Variants in SAP30BP observed in about 807,000 individuals in gnomAD.
SAP30BP encodes the protein SAP30 binding protein.
Under a neutral mutation model 46.3 loss-of-function variants are expected in SAP30BP, and 31 were observed. The ratio of observed to expected loss-of-function variants is 0.67; its 90% CI spans 0.50 to 0.90. The LOEUF (loss-of-function observed/expected upper bound fraction) is 0.90, where lower values mean the gene tolerates loss of function less well. Ranked by LOEUF, SAP30BP falls within the 40% of genes least tolerant of loss-of-function variation. The pLI is 0.00. For missense variants in SAP30BP, 312 were observed against 391.0 expected, an observed-to-expected ratio of 0.80 and a Z score of 1.70; for synonymous variants, 169 against 144.2, an observed-to-expected ratio of 1.17 and a Z score of -1.23.
intron 4 of SAP30BP, among the ~76,000 whole-genome samples, chr17:75,695,965 C>T (rs1442878561): frequency 1.3e-5 from 2 of 152,132 alleles, no homozygotes; most frequent in African/African-American, 2.4e-5. Context: ...TCCCCTGGGG[C>T]CCCCCAGCTC....
At position 75,706,416 on chromosome 17, in the gene SAP30BP, C is replaced by T. The variant is rs2060498734; in HGVS notation, c.822C>T (p.Thr274=). 1 of 1,614,170 alleles carries T rather than the reference C, an allele frequency of 6.2e-7. No individual in the cohort carries two copies. The highest frequency in any genetic ancestry group is 2.2e-5 in the East Asian group (1 of 44,880). Residue 274 remains threonine (T), a synonymous_variant, in exon 11 of 11, where the codon ACC becomes ACT. Coordinates refer to ENST00000584667, the MANE Select transcript of SAP30BP (RefSeq NM_013260.8). This position sits in a 1 kb window ranked among gnomAD's most constrained non-coding sequence, Gnocchi z 4.6. ...TTIAQPTILT[T]TATLPAVVTV... ...TAGCCCAGCCCACCATCCTCACCAC[C>T]ACAGCCACCCTGCCAGCTGTTGTCA...
In SAP30BP at chr17:75,706,179, C is replaced by A; in HGVS notation, c.745+87C>A. 1 of 1,560,792 alleles carries A rather than the reference C, an allele frequency of 6.4e-7. No individual in the cohort carries two copies. Among genetic ancestry groups the A allele is most frequent in the Non-Finnish European group, 8.7e-7 (1 of 1,155,944 alleles). On this transcript the variant is annotated intron_variant, in intron 10 of 10. Transcript: ENST00000584667. The surrounding 1 kb of genome is among the most constrained non-coding windows in gnomAD (Gnocchi z 4.6). ...TTTGGGCGACAGACAGCACGTGGAT[C>A]TGGGCCTGGGCTCAGCCTTGCTACT... is the stretch of plus-strand genomic sequence containing the variant.
Position 75,693,498 on chromosome 17 carries a change from T to C in SAP30BP, c.307+16T>C. On this transcript the variant is annotated intron_variant, in intron 4 of 10. Coordinates refer to ENST00000584667, the MANE Select transcript of SAP30BP (RefSeq NM_013260.8). ...GAACTCGTGGGTGAGTATTGGGGGATCCTGGGGGCACGTTTCTCAGCCTTG... is the reference window on the plus strand; with the variant it reads ...GAACTCGTGGGTGAGTATTGGGGGACCCTGGGGGCACGTTTCTCAGCCTTG... 1 of 1,612,574 alleles carries C rather than the reference T, an allele frequency of 6.2e-7. No homozygotes were observed. Among genetic ancestry groups the C allele is most frequent in the Non-Finnish European group, 8.5e-7 (1 of 1,179,056 alleles).
At chr17:75,669,537 C>T (rs911055103) in intron 2 of SAP30BP, among the ~76,000 whole-genome samples, 8 of 152,124 alleles carry the variant, frequency 5.3e-5, no homozygotes, top group Admixed American at 5.2e-4. Context: ...GCCACTGCTC[C>T]TGGCCGATTT....
chr17:75,687,917 G>GGGGT (rs557349211), intron 3 of SAP30BP, among the ~76,000 whole-genome samples: 202 of 120,352 alleles, frequency 1.7e-3, no homozygotes, highest in South Asian at 4.0e-3. Flanking sequence ...CAGTGTTTGG[G>GGGGT]GTGTGTGTGT....
chr17:75,697,417 G>A (rs923948428), intron 4 of SAP30BP, among the ~76,000 whole-genome samples: 5 of 152,172 alleles, frequency 3.3e-5, no homozygotes, highest in Non-Finnish European at 7.3e-5. Flanking sequence ...GAAGTTAGAG[G>A]AGACTTGAAT....
At position 75,671,809 on chromosome 17, in the gene SAP30BP, C is replaced by T. The variant is rs1379198913; in HGVS notation, c.217-7C>T. 6 of 1,611,406 alleles carry T rather than the reference C, an allele frequency of 3.7e-6. No individual in the cohort carries two copies. The highest frequency in any genetic ancestry group is 1.3e-5 in the African/African-American group (1 of 74,788). On this transcript the variant is annotated splice_polypyrimidine_tract_variant and splice_region_variant and intron_variant, in intron 2 of 10. Coordinates refer to ENST00000584667, the MANE Select transcript of SAP30BP (RefSeq NM_013260.8). ...AAGCTTAATCCTCTAAATTCTTTGT[C>T]TTGTAGGAAGATGACGATTCAGAGA... is the stretch of plus-strand genomic sequence containing the variant.
chr17:75,687,729 G>T (rs1320762080), intron 3 of SAP30BP, among the ~76,000 whole-genome samples: 1 of 152,120 alleles, frequency 6.6e-6, no homozygotes, highest in Non-Finnish European at 1.5e-5. Context: ...CCCCTTGGCA[G>T]ACTTTTATTG....
At chr17:75,704,666 C>G in intron 8 of SAP30BP, 90 bp from the exon 9 acceptor site, 1 of 988,144 alleles carries the variant, frequency 1.0e-6, no homozygotes, top group Non-Finnish European at 1.6e-6. Context: ...GCCTTTAGCC[C>G]GCTGAAAAGA....
At chr17:75,704,666 C>T (rs1052930524) in intron 8 of SAP30BP, 90 bp from the exon 9 acceptor site, 51 of 988,022 alleles carry the variant, frequency 5.2e-5, no homozygotes, top group South Asian at 1.0e-4. Flanking sequence ...GCCTTTAGCC[C>T]GCTGAAAAGA....
intron 4 of SAP30BP, 77 bp downstream of exon 4, chr17:75,693,559 G>A (rs1333102172): frequency 2.9e-6 from 4 of 1,377,194 alleles, no homozygotes; most frequent in Non-Finnish European, 4.1e-6. Context: ...TGCCAGGCCT[G>A]CCGCCCCACA....
intron 8 of SAP30BP, among the ~76,000 whole-genome samples, chr17:75,704,429 A>G (rs1171426795): frequency 1.3e-5 from 2 of 152,204 alleles, no homozygotes; most frequent in East Asian, 3.9e-4. Flanking sequence ...TTCATTGCCA[A>G]CATTTTATAT....
At chr17:75,668,103 A>G (rs1319124378) in intron 1 of SAP30BP, 1 of 165,414 alleles carries the variant, frequency 6.0e-6, no homozygotes, top group Admixed American at 6.4e-5. Flanking sequence ...AGAATAAAGA[A>G]CAAGTTACCT....
At chr17:75,670,558 TATTTC>T (rs1202969045) in intron 2 of SAP30BP, among the ~76,000 whole-genome samples, 1 of 152,232 alleles carries the variant, frequency 6.6e-6, no homozygotes, top group Non-Finnish European at 1.5e-5. Context: ...TTTGAAGTGT[TATTTC>T]ATATTTGCTT....
At position 75,706,099 on chromosome 17, in the gene SAP30BP, T is replaced by G; in HGVS notation, c.745+7T>G. On this transcript the variant is annotated splice_region_variant and intron_variant, in intron 10 of 10. Transcript: ENST00000584667. The surrounding 1 kb of genome is among the most constrained non-coding windows in gnomAD (Gnocchi z 4.6). ...GCCAGCACAGCTGTTGCAGGTAGAT[T>G]GCAGAGCTGCCCTGCCTCCTGCCAC... 1 of 1,609,240 alleles carries G rather than the reference T, an allele frequency of 6.2e-7. No individual in the cohort carries two copies. The highest frequency in any genetic ancestry group is 8.5e-7 in the Non-Finnish European group (1 of 1,177,968).
At chr17:75,680,129 G>A (rs1307313821) in intron 3 of SAP30BP, among the ~76,000 whole-genome samples, 1 of 152,144 alleles carries the variant, frequency 6.6e-6, no homozygotes, top group African/African-American at 2.4e-5. Flanking sequence ...GAGGGACTGG[G>A]ATCGCCGGCC....
intron 3 of SAP30BP, among the ~76,000 whole-genome samples, chr17:75,682,156 T>C (rs899562895): frequency 1.6e-4 from 24 of 152,114 alleles, no homozygotes; most frequent in Admixed American, 1.2e-3. Context: ...GGAAAAAAAA[T>C]CACCTAATCT....
intron 4 of SAP30BP, among the ~76,000 whole-genome samples, chr17:75,699,074 C>G (rs2060365793): frequency 6.6e-6 from 1 of 152,164 alleles, no homozygotes; most frequent in Non-Finnish European, 1.5e-5. Flanking sequence ...CACCTGTAGT[C>G]CTAGCTACTC....
chr17:75,675,959 A>AGAAAAAATAAGTATTTCC (rs1235220203), intron 3 of SAP30BP, among the ~76,000 whole-genome samples: 1 of 152,224 alleles, frequency 6.6e-6, no homozygotes. Context: ...TAACATTTTT[A>AGAAAAAATAAGTATTTCC]GAAAAAATAA....
Sources: gnomAD v4.1 joint callset for allele counts (sites outside exome capture counted in the v4.1 genomes callset) on GRCh38, gnomAD v4.1.1 for gene constraint, Gnocchi (gnomAD v3.1) non-coding constraint, MANE v1.5 for transcripts, NCBI Gene and HGNC (gene_info 2026-07-23, HGNC 2026-07-21) for gene names.